Variants in ARAP2 observed in about 807,000 individuals in gnomAD.
ARAP2 encodes the protein arf-GAP with Rho-GAP domain, ANK repeat and PH domain-containing protein 2.
A neutral mutation model predicts 194.5 loss-of-function variants in ARAP2; 148 were observed. That is an observed-to-expected ratio of 0.76 (90% CI 0.67 to 0.87). The LOEUF (loss-of-function observed/expected upper bound fraction) is 0.87. ARAP2 is among the 40% of genes least tolerant of loss of function. ARAP2 has a pLI of 0.00. For missense variants in ARAP2, 2,128 were observed against 1,989.7 expected (o/e 1.07, Z -1.32); for synonymous variants, 695 against 683.5 (o/e 1.02, Z -0.26).
At chr4:36,089,820 CTGATA>C (rs1490813513) in intron 28 of ARAP2, among the ~76,000 whole-genome samples, 1 of 151,862 alleles carries the variant, frequency 6.6e-6, no homozygotes, top group Non-Finnish European at 1.5e-5. Context: ...CTTTATACTC[CTGATA>C]TAAGTCTTTT....
At chr4:36,160,409 C>A (rs1270021152) in intron 13 of ARAP2, 50 bp downstream of exon 13, 1 of 1,401,840 alleles carries the variant, frequency 7.1e-7, no homozygotes, top group East Asian at 2.8e-5. Flanking sequence ...CTTGGCACAT[C>A]ATTAAAAAGA....
chr4:36,233,362 T>G (rs112554124), intron 1 of ARAP2, among the ~76,000 whole-genome samples: 32 of 152,348 alleles, frequency 2.1e-4, no homozygotes, highest in African/African-American at 7.5e-4. Flanking sequence ...GTGGATCTTC[T>G]GTACATCAAC....
chr4:36,192,051 A>G (rs1257436512), intron 7 of ARAP2, among the ~76,000 whole-genome samples: 1 of 152,092 alleles, frequency 6.6e-6, no homozygotes, highest in Non-Finnish European at 1.5e-5. Flanking sequence ...CATAGCTGTT[A>G]ACACCGGGTC....
intron 19 of ARAP2, among the ~76,000 whole-genome samples, chr4:36,136,724 A>G (rs1456790486): frequency 6.6e-6 from 1 of 151,716 alleles, no homozygotes; most frequent in Non-Finnish European, 1.5e-5. Context: ...AGCCATGGAA[A>G]GGTAAGTCAC....
intron 21 of ARAP2, among the ~76,000 whole-genome samples, chr4:36,126,577 T>A (rs975153181): frequency 2.0e-5 from 3 of 151,996 alleles, no homozygotes; most frequent in Non-Finnish European, 4.4e-5. Context: ...ACTTAGACAG[T>A]ACTAGTTTAT....
At chr4:36,107,966 C>T (rs1219325778) in intron 26 of ARAP2, among the ~76,000 whole-genome samples, 4 of 151,698 alleles carry the variant, frequency 2.6e-5, no homozygotes, top group African/African-American at 4.9e-5. Flanking sequence ...ATCAGAAGTA[C>T]TTTTGATAAA....
At chr4:36,156,425 A>AAG (rs1732483479) in intron 15 of ARAP2, among the ~76,000 whole-genome samples, 2 of 5,456 alleles carry the variant, frequency 3.7e-4, no homozygotes, top group African/African-American at 2.5e-3. Flanking sequence ...GAAAGAAAGA[A>AAG]AGAAAGAAAG....
intron 19 of ARAP2, among the ~76,000 whole-genome samples, chr4:36,143,623 TATTG>T (rs573800123): frequency 9.5e-4 from 145 of 151,872 alleles, no homozygotes; most frequent in African/African-American, 3.4e-3. Flanking sequence ...ATCAGATGAT[TATTG>T]ATTTGGAGTA....
intron 2 of ARAP2, among the ~76,000 whole-genome samples, chr4:36,055,562 T>A (rs1323954413): frequency 1.3e-5 from 2 of 152,076 alleles, no homozygotes; most frequent in Admixed American, 6.6e-5. Context: ...TTATTTTTAT[T>A]TTTATTTATT....
intron 27 of ARAP2, among the ~76,000 whole-genome samples, chr4:36,101,604 A>G (rs547450999): frequency 1.3e-5 from 2 of 152,050 alleles, no homozygotes; most frequent in East Asian, 3.9e-4. Context: ...GTTTTCAGTG[A>G]TCAGATATGT....
rs758870932 is a variant in ARAP2 at position 36,229,233 on chromosome 4, T to C, written c.254A>G (p.Lys85Arg). 6 of 1,614,108 alleles carry C rather than the reference T, an allele frequency of 3.7e-6. No individual in the cohort carries two copies. The highest frequency in any genetic ancestry group is 5.1e-6 in the Non-Finnish European group (6 of 1,179,974). The change falls in exon 2 of 33, where the codon AAG becomes AGG. Residue 85 changes from lysine to arginine, a missense_variant. Lys to Arg is a conservative substitution (Grantham distance 26). Coordinates refer to ENST00000303965, the MANE Select transcript of ARAP2 (RefSeq NM_015230.4). ...GTAATCCTTTGAAGGGTCATCATTC[T>C]TCTTAGTTTTATGAACATTTGCATA... ...PIYANVHKTKKNDDPSKDYHV... is the reference protein window; with the variant it reads ...PIYANVHKTKRNDDPSKDYHV...
At chr4:36,170,560 T>C (rs1353951813) in intron 9 of ARAP2, among the ~76,000 whole-genome samples, 1 of 152,208 alleles carries the variant, frequency 6.6e-6, no homozygotes, top group Non-Finnish European at 1.5e-5. Flanking sequence ...GATGACACAT[T>C]GGATTGGTGA....
chr4:36,021,712 C>G (rs1716976218), intron 5 of ARAP2, among the ~76,000 whole-genome samples: 1 of 152,062 alleles, frequency 6.6e-6, no homozygotes, highest in Non-Finnish European at 1.5e-5. Context: ...AATGCAAGAA[C>G]AGCCTAATAT....
At chr4:36,101,985 C>CTT (rs1717064239) in intron 27 of ARAP2, among the ~76,000 whole-genome samples, 2 of 18,952 alleles carry the variant, frequency 1.1e-4, no homozygotes, top group Non-Finnish European at 9.5e-5. Flanking sequence ...CGTGGCATTG[C>CTT]TCTCTTTCTT....
At chr4:36,187,321 T>A in intron 8 of ARAP2, 130 bp downstream of exon 8, 1 of 500,194 alleles carries the variant, frequency 2.0e-6, no homozygotes, top group Non-Finnish European at 3.2e-6. Flanking sequence ...ATTTGAAAAA[T>A]TAATTTTAAA....
chr4:36,082,331 C>A lies in ARAP2; in HGVS notation c.4509-45G>T, dbSNP rs772643999. On this transcript the variant is annotated intron_variant, in intron 29 of 32. Transcript: ENST00000303965. Reference sequence around the variant, plus strand: ...AAACACACATAAATTAAAAATAATACATTTTACAAGACAGAAAACAGGATT... The same window carrying A: ...AAACACACATAAATTAAAAATAATAAATTTTACAAGACAGAAAACAGGATT... The A allele has an allele frequency of 2.6e-6, 4 of 1,562,148 alleles. No homozygotes were observed. The East Asian group carries it at 6.9e-5, about 27-fold the overall frequency.
At chr4:36,175,997 T>C (rs1392098559) in intron 9 of ARAP2, among the ~76,000 whole-genome samples, 2 of 152,144 alleles carry the variant, frequency 1.3e-5, no homozygotes, top group African/African-American at 2.4e-5. Flanking sequence ...ACAATGTTTA[T>C]TGAAAGCATA....
At chr4:36,071,245 C>G (rs925251255) in intron 32 of ARAP2, among the ~76,000 whole-genome samples, 1 of 152,126 alleles carries the variant, frequency 6.6e-6, no homozygotes, top group Admixed American at 6.6e-5. Flanking sequence ...GTCACTTAAT[C>G]ACAACAGCAC....
intron 31 of ARAP2, among the ~76,000 whole-genome samples, chr4:36,077,352 T>A (rs562479138): frequency 1.3e-5 from 2 of 151,632 alleles, no homozygotes; most frequent in African/African-American, 4.8e-5. Flanking sequence ...AAACTGCGCA[T>A]TCTGCACTAG....
Sources: allele counts gnomAD v4.1 joint callset (sites outside exome capture counted in the v4.1 genomes callset), GRCh38; gene constraint gnomAD v4.1.1; transcripts MANE v1.5; gene names NCBI Gene and HGNC (gene_info 2026-07-23, HGNC 2026-07-21).